The following NPNT variants were observed in gnomAD, a reference collection of about 807,000 sequenced individuals.
NPNT encodes preosteoblast EGF-like repeat protein with MAM domain.
A neutral mutation model predicts 68.6 loss-of-function variants in NPNT; 45 were observed. That is an observed-to-expected ratio of 0.66 (90% CI 0.52 to 0.84). The LOEUF (loss-of-function observed/expected upper bound fraction) is 0.84, where lower values mean the gene tolerates loss of function less well. Ranked by LOEUF, NPNT falls within the 40% of genes least tolerant of loss-of-function variation. The pLI, the probability that NPNT is intolerant of heterozygous loss-of-function variation, is 0.00. For missense variants in NPNT, 672 were observed against 714.8 expected (o/e 0.94, Z 0.68); for synonymous variants, 233 against 253.3 (o/e 0.92, Z 0.76).
At position 105,907,482 on chromosome 4, in the gene NPNT, C is replaced by T. The variant is rs1377562845; in HGVS notation, c.172+9481C>T. Among the ~76,000 whole-genome samples, 3 of 152,118 alleles carry T rather than the reference C, an allele frequency of 2.0e-5. No individual in the cohort carries two copies. In the East Asian group the frequency reaches 5.8e-4, roughly 29 times the overall value. On this transcript the variant is annotated intron_variant, in intron 2 of 11. Transcript: ENST00000379987. ...TGTCTGAATTGTCACCGTATATCAA[C>T]GTGGCAGCGAGCTGAGAAAGTTAGC...
chr4:105,924,295 T>C (rs1560905810), intron 2 of NPNT, among the ~76,000 whole-genome samples: 2 of 152,204 alleles, frequency 1.3e-5, no homozygotes. Context: ...ATTATATATA[T>C]AACAAATGTT....
chr4:105,900,831 G>GTT (rs1212914145), intron 2 of NPNT, among the ~76,000 whole-genome samples: 1 of 127,788 alleles, frequency 7.8e-6, no homozygotes, highest in Non-Finnish European at 1.6e-5. Context: ...CATACCCTTG[G>GTT]TTGTTTTTTT....
intron 3 of NPNT, among the ~76,000 whole-genome samples, chr4:105,927,983 C>T (rs1268164512): frequency 6.6e-6 from 1 of 152,174 alleles, no homozygotes; most frequent in Admixed American, 6.5e-5. Flanking sequence ...TTATTCAACA[C>T]TCATAGTGCC....
Position 105,926,180 on chromosome 4 carries a change from G to A in NPNT, c.173-1156G>A, listed in dbSNP as rs534818026. Among the ~76,000 whole-genome samples the A allele has an allele frequency of 3.3e-4, 50 of 152,280 alleles. 1 individual carries two copies. In the South Asian group the frequency reaches 0.01, roughly 31 times the overall value. On this transcript the variant is annotated intron_variant, in intron 2 of 11. Transcript: ENST00000379987. ...CCTCTATGAGGCTTTCTGCACGTAT[G>A]TATATGGATTTGCTTGTGTAATGAT...
intron 3 of NPNT, among the ~76,000 whole-genome samples, chr4:105,936,291 G>T (rs1457065775): frequency 6.6e-6 from 1 of 152,108 alleles, no homozygotes; most frequent in Non-Finnish European, 1.5e-5. Context: ...AGTTCATTTT[G>T]TGACTTGAAT....
intron 8 of NPNT, among the ~76,000 whole-genome samples, chr4:105,953,915 T>C (rs926304656): frequency 2.0e-5 from 3 of 152,224 alleles, no homozygotes; most frequent in Non-Finnish European, 4.4e-5. Flanking sequence ...TACTAAATAA[T>C]GCTTACATTT....
chr4:105,895,601 C>A lies in NPNT; in HGVS notation c.-52C>A. 1 of 1,494,562 alleles carries A rather than the reference C, an allele frequency of 6.7e-7. No homozygotes were observed. Among genetic ancestry groups the A allele is most frequent in the Admixed American group, 2.0e-5 (1 of 50,788 alleles). The allele number at this position is 1,494,562 out of a possible 1,614,324, so 92.6% of individuals were successfully genotyped here. A position where few individuals can be genotyped will look rare whatever the true frequency, so the allele number is the denominator to read the frequency against. On this transcript the variant is annotated 5_prime_UTR_variant, in exon 1 of 12. Transcript: ENST00000379987. Reference sequence around the variant, plus strand: ...CGCCTCCCATCGGCGCCCACCACCCCAACCTGTTCCTCGCGCGCCACTGCG... The same window carrying A: ...CGCCTCCCATCGGCGCCCACCACCCAAACCTGTTCCTCGCGCGCCACTGCG...
At chr4:105,966,276 T>C (rs1038804325) in intron 10 of NPNT, among the ~76,000 whole-genome samples, 23 of 152,208 alleles carry the variant, frequency 1.5e-4, no homozygotes, top group African/African-American at 5.5e-4. Flanking sequence ...AAAATACTAC[T>C]TGCAACTTTC....
intron 3 of NPNT, among the ~76,000 whole-genome samples, chr4:105,933,248 A>G (rs2149362725): frequency 6.6e-6 from 1 of 152,336 alleles, no homozygotes; most frequent in South Asian, 2.1e-4. Flanking sequence ...GGGAGACAGT[A>G]ATTCCTGCCC....
At chr4:105,945,646 ACCACCCTGGC>A (rs1730323545) in intron 8 of NPNT, among the ~76,000 whole-genome samples, 1 of 152,176 alleles carries the variant, frequency 6.6e-6, no homozygotes, top group African/African-American at 2.4e-5. Flanking sequence ...CTCCAGTGCT[ACCACCCTGGC>A]CCAAGCCATC....
At chr4:105,938,852 A>G (rs1729706133) in intron 5 of NPNT, among the ~76,000 whole-genome samples, 1 of 152,196 alleles carries the variant, frequency 6.6e-6, no homozygotes, top group African/African-American at 2.4e-5. Flanking sequence ...CTTTGGTTTT[A>G]AACCTGGCTC....
At chr4:105,960,513 G>T (rs1486964186) in intron 10 of NPNT, among the ~76,000 whole-genome samples, 1 of 152,064 alleles carries the variant, frequency 6.6e-6, no homozygotes, top group Non-Finnish European at 1.5e-5. Context: ...ATCCCCTAAG[G>T]TTGAAATAGA....
intron 2 of NPNT, among the ~76,000 whole-genome samples, chr4:105,923,405 C>T (rs1728410855): frequency 6.6e-6 from 1 of 151,982 alleles, no homozygotes; most frequent in African/African-American, 2.4e-5. Context: ...CTACTCATAA[C>T]TCTTCTATCC....
At chr4:105,931,137 A>G (rs1028359823) in intron 3 of NPNT, among the ~76,000 whole-genome samples, 4 of 152,120 alleles carry the variant, frequency 2.6e-5, no homozygotes, top group Non-Finnish European at 5.9e-5. Flanking sequence ...TTTCTGTACC[A>G]ACACAAACCT....
chr4:105,903,860 C>A (rs2149319457), intron 2 of NPNT, among the ~76,000 whole-genome samples: 1 of 149,872 alleles, frequency 6.7e-6, no homozygotes, highest in Non-Finnish European at 1.5e-5. Flanking sequence ...TCTTGGCTCA[C>A]TAGAACCCTT....
At chr4:105,946,500 C>T (rs572013112) in intron 8 of NPNT, among the ~76,000 whole-genome samples, 5 of 152,076 alleles carry the variant, frequency 3.3e-5, no homozygotes, top group Non-Finnish European at 7.4e-5. Flanking sequence ...CCATAAGTGT[C>T]CGCTGGCTGA....
chr4:105,940,247 C>G (rs1729828354), intron 6 of NPNT, 38 bp downstream of exon 6: 2 of 1,600,142 alleles, frequency 1.2e-6, no homozygotes, highest in African/African-American at 2.7e-5. Flanking sequence ...TTGTTTCTTC[C>G]TAGAGCACTG....
intron 10 of NPNT, among the ~76,000 whole-genome samples, chr4:105,962,706 G>A (rs983641650): frequency 1.3e-5 from 2 of 152,120 alleles, no homozygotes; most frequent in East Asian, 3.9e-4. Flanking sequence ...CAGAGAGTTG[G>A]AAGGCAGGAT....
chr4:105,915,748 T>C (rs1218634751), intron 2 of NPNT, among the ~76,000 whole-genome samples: 1 of 152,210 alleles, frequency 6.6e-6, no homozygotes, highest in East Asian at 1.9e-4. Flanking sequence ...CTTGTGAGAC[T>C]TTGAAGTAGA....
Sources: allele counts gnomAD v4.1 joint callset (sites outside exome capture counted in the v4.1 genomes callset), GRCh38; gene constraint gnomAD v4.1.1; transcripts MANE v1.5; gene names NCBI Gene and HGNC (gene_info 2026-07-23, HGNC 2026-07-21).